Variants in RCAN2 observed in about 807,000 individuals in gnomAD.
The protein encoded by RCAN2 is calcipressin-2.
Under a neutral mutation model 23.6 loss-of-function variants are expected in RCAN2, and 9 were observed. The ratio of observed to expected loss-of-function variants is 0.38; its 90% CI spans 0.23 to 0.67. RCAN2 has a LOEUF of 0.67. Ranked by LOEUF, RCAN2 falls within the 30% of genes least tolerant of loss-of-function variation. The pLI is 0.51. For missense variants in RCAN2, 273 were observed against 302.3 expected (o/e 0.90, Z 0.72); for synonymous variants, 109 against 115.7 (o/e 0.94, Z 0.37).
rs1395184513 is a variant in RCAN2, at chr6:46,246,805, C to T, written c.514G>A (p.Asp172Asn). Reference protein sequence around the residue: ...SPPVGWQPINDATPVLNYDLL... With the variant: ...SPPVGWQPINNATPVLNYDLL... Reference sequence around the variant, plus strand: ...TCATAGTTGAGGACTGGCGTGGCATCGTTGATGGGCTGCCAGCCAACAGGT... The same window carrying T: ...TCATAGTTGAGGACTGGCGTGGCATTGTTGATGGGCTGCCAGCCAACAGGT... Residue 172 changes from aspartate to asparagine, a missense_variant, in exon 4 of 5, where the codon GAT becomes AAT. Transcript: ENST00000371374. 6 of 1,613,512 alleles carry T rather than the reference C, an allele frequency of 3.7e-6. No individual in the cohort carries two copies. The highest frequency in any genetic ancestry group is 3.3e-5 in the Admixed American group (2 of 59,992).
At chr6:46,488,304 A>G (rs1455348259) in intron 1 of RCAN2, among the ~76,000 whole-genome samples, 1 of 152,240 alleles carries the variant, frequency 6.6e-6, no homozygotes, top group African/African-American at 2.4e-5. Context: ...TCTGAGAATA[A>G]CAACAGTGCC....
In RCAN2 at chr6:46,246,927, A is replaced by G. The variant is rs926978144; in HGVS notation, c.400-8T>C. On this transcript the variant is annotated splice_region_variant and splice_polypyrimidine_tract_variant and intron_variant, in intron 3 of 4. Transcript: ENST00000371374. ...TGTCTCTGGAGTCTGAACCTTTCAA[A>G]TAGAGTAGAGATGAAGAAACTTATT... 5.9e-6 allele frequency: 9 copies of G among 1,528,590 alleles called. No individual in the cohort carries two copies. Among genetic ancestry groups the G allele is most frequent in the African/African-American group, 1.4e-5 (1 of 71,582 alleles). 94.7% of individuals were successfully genotyped at this position (1,528,590 alleles called of 1,614,324 possible).
intron 2 of RCAN2, among the ~76,000 whole-genome samples, chr6:46,392,424 C>T (rs1222739043): frequency 6.6e-6 from 1 of 152,182 alleles, no homozygotes; most frequent in Non-Finnish European, 1.5e-5. Flanking sequence ...ATGTCTGCTG[C>T]TTGCAAAATG....
intron 2 of RCAN2, among the ~76,000 whole-genome samples, chr6:46,378,729 C>T (rs891984942): frequency 6.6e-6 from 1 of 152,150 alleles, no homozygotes; most frequent in South Asian, 2.1e-4. Context: ...GCTGTAGCAG[C>T]CCGTTAAACA....
chr6:46,454,701 A>G (rs1767970295), intron 2 of RCAN2, among the ~76,000 whole-genome samples: 1 of 152,196 alleles, frequency 6.6e-6, no homozygotes, highest in African/African-American at 2.4e-5. Context: ...TTTTGCCTCA[A>G]TATTTTATCA....
intron 2 of RCAN2, among the ~76,000 whole-genome samples, chr6:46,286,930 G>A (rs1325155603): frequency 6.6e-6 from 1 of 152,074 alleles, no homozygotes; most frequent in Non-Finnish European, 1.5e-5. Context: ...GCTTGAACCT[G>A]GGAGGTGGAG....
intron 2 of RCAN2, among the ~76,000 whole-genome samples, chr6:46,416,594 T>G (rs1766720511): frequency 6.6e-6 from 1 of 151,658 alleles, no homozygotes; most frequent in Admixed American, 6.6e-5. Context: ...GGCTCACTGC[T>G]CCCTCAACCT....
rs118129795 is a variant in RCAN2 at position 46,425,109 on chromosome 6, C to T, written c.225+31643G>A. Among the ~76,000 whole-genome samples, 59 of 152,340 alleles carry T rather than the reference C, an allele frequency of 3.9e-4. 2 individuals are homozygous for T. In the East Asian group the frequency reaches 6.7e-3, roughly 17 times the overall value. On this transcript the variant is annotated intron_variant, in intron 2 of 4. Transcript: ENST00000371374. ...AACAGCTCTTGCAAGATGATCCTGTCATCCACCAGGAGCGATCTTATTCTA... is the reference window on the plus strand; with the variant it reads ...AACAGCTCTTGCAAGATGATCCTGTTATCCACCAGGAGCGATCTTATTCTA...
chr6:46,443,370 C>A (rs780491841), intron 2 of RCAN2, among the ~76,000 whole-genome samples: 1 of 152,042 alleles, frequency 6.6e-6, no homozygotes, highest in Non-Finnish European at 1.5e-5. Context: ...AGATCCCTAG[C>A]GTGAATTTTC....
chr6:46,351,521 A>G (rs1188559519), intron 2 of RCAN2, among the ~76,000 whole-genome samples: 1 of 152,210 alleles, frequency 6.6e-6, no homozygotes, highest in Admixed American at 6.5e-5. Flanking sequence ...TCACATACCA[A>G]TGCTCCACAC....
intron 2 of RCAN2, among the ~76,000 whole-genome samples, chr6:46,279,579 C>T (rs1349228169): frequency 6.6e-6 from 1 of 152,204 alleles, no homozygotes; most frequent in Non-Finnish European, 1.5e-5. Flanking sequence ...AAGCACTGCT[C>T]TGTACATTCC....
chr6:46,244,191 C>G (rs898562898), intron 4 of RCAN2, among the ~76,000 whole-genome samples: 51 of 152,236 alleles, frequency 3.4e-4, no homozygotes, highest in African/African-American at 1.0e-3. Flanking sequence ...TTAGCTGTAA[C>G]ATTAAGGTAA....
At chr6:46,335,109 G>T (rs1764099254) in intron 2 of RCAN2, among the ~76,000 whole-genome samples, 1 of 152,198 alleles carries the variant, frequency 6.6e-6, no homozygotes, top group Non-Finnish European at 1.5e-5. Context: ...GACTTCTCAT[G>T]AGGATTTTCC....
intron 2 of RCAN2, among the ~76,000 whole-genome samples, chr6:46,413,889 A>G (rs1002942154): frequency 2.6e-5 from 4 of 152,202 alleles, no homozygotes; most frequent in African/African-American, 9.6e-5. Context: ...GAATGGGACA[A>G]AGACAAAGGT....
chr6:46,268,417 G>A (rs575625256), intron 2 of RCAN2, among the ~76,000 whole-genome samples: 7 of 152,094 alleles, frequency 4.6e-5, no homozygotes, highest in African/African-American at 1.4e-4. Flanking sequence ...TCAATGGATC[G>A]GGTTTTTCAC....
At chr6:46,433,489 T>C (rs1482394161) in intron 2 of RCAN2, among the ~76,000 whole-genome samples, 1 of 152,164 alleles carries the variant, frequency 6.6e-6, no homozygotes, top group Non-Finnish European at 1.5e-5. Context: ...AACACAAAGC[T>C]ACAAGAGGGA....
At chr6:46,388,592 T>C (rs568706394) in intron 2 of RCAN2, among the ~76,000 whole-genome samples, 3 of 152,232 alleles carry the variant, frequency 2.0e-5, no homozygotes, top group African/African-American at 4.8e-5. Flanking sequence ...ATGTGGTACA[T>C]ACACACCACA....
At chr6:46,433,031 G>C (rs1005329660) in intron 2 of RCAN2, among the ~76,000 whole-genome samples, 33 of 152,222 alleles carry the variant, frequency 2.2e-4, no homozygotes, top group Non-Finnish European at 1.0e-4. Context: ...AAAAACTTAT[G>C]AGCATCTCTG....
At chr6:46,280,740 T>C (rs1561840873) in intron 2 of RCAN2, among the ~76,000 whole-genome samples, 1 of 152,238 alleles carries the variant, frequency 6.6e-6, no homozygotes, top group Non-Finnish European at 1.5e-5. Context: ...CAGAAGCCTG[T>C]GCCATCCATT....
Sources: gnomAD v4.1 joint callset for allele counts (sites outside exome capture counted in the v4.1 genomes callset) on GRCh38, gnomAD v4.1.1 for gene constraint, MANE v1.5 for transcripts, NCBI Gene and HGNC (gene_info 2026-07-23, HGNC 2026-07-21) for gene names.